Variants in CEP192 observed in about 807,000 individuals in gnomAD.
The protein encoded by CEP192 is centrosomal protein of 192 kDa.
In CEP192, 151 loss-of-function variants were observed where a neutral mutation model predicts 271.8. The ratio of observed to expected loss-of-function variants is 0.56; its 90% CI spans 0.49 to 0.64. The LOEUF is 0.64. CEP192 is among the 30% of genes least tolerant of loss of function. The probability of loss-of-function intolerance (pLI) is 0.00; values close to 1 mark genes in which losing one functional copy is unlikely to be tolerated. For synonymous variants in CEP192, 995 were observed against 1,076.5 expected (o/e 0.92, Z 1.48); for missense variants, 2,910 against 3,020.5 (o/e 0.96, Z 0.86).
intron 44 of CEP192, among the ~76,000 whole-genome samples, chr18:13,122,290 C>T (rs1349685075): frequency 1.3e-5 from 2 of 152,220 alleles, no homozygotes; most frequent in Non-Finnish European, 2.9e-5. Context: ...GGCAAGGTGG[C>T]GCATGTCTGT....
intron 17 of CEP192, among the ~76,000 whole-genome samples, chr18:13,050,521 T>G (rs1168680808): frequency 6.6e-6 from 1 of 152,200 alleles, no homozygotes; most frequent in Non-Finnish European, 1.5e-5. Flanking sequence ...ATGCCTCAGT[T>G]TGAAACACTT....
chr18:13,112,575 G>A (rs907262915), intron 40 of CEP192, among the ~76,000 whole-genome samples: 5 of 152,196 alleles, frequency 3.3e-5, no homozygotes, highest in African/African-American at 1.2e-4. Context: ...AAGGGGTATA[G>A]TTAGGATTTT....
chr18:13,016,833 A>G (rs368709656), intron 6 of CEP192, among the ~76,000 whole-genome samples: 58 of 152,000 alleles, frequency 3.8e-4, no homozygotes, highest in African/African-American at 1.3e-3. Context: ...CTCCTGTGAT[A>G]GGCTCATCTA....
At chr18:13,081,867 G>T (rs891405556) in intron 30 of CEP192, among the ~76,000 whole-genome samples, 2 of 152,188 alleles carry the variant, frequency 1.3e-5, no homozygotes, top group African/African-American at 2.4e-5. Context: ...TATTTACCCA[G>T]TAGTCATTCA....
At position 13,109,265 on chromosome 18, in the gene CEP192, C is replaced by T. The variant is rs192546885; in HGVS notation, c.7047+4186C>T. Among the ~76,000 whole-genome samples, 13 of 152,146 alleles carry T rather than the reference C, an allele frequency of 8.5e-5. No homozygotes were observed. The East Asian group carries it at 9.7e-4, about 11-fold the overall frequency. The stretch of plus-strand genomic sequence containing the variant: ...GTAGCAACATGGATACAGCTGAAGG[C>T]GATTATCCTAAATGAATTAACATGG... On this transcript the variant is annotated intron_variant, in intron 40 of 44. Coordinates refer to ENST00000506447, the MANE Select transcript of CEP192 (RefSeq NM_032142.4).
At chr18:13,101,173 A>G (rs1353800275) in intron 38 of CEP192, among the ~76,000 whole-genome samples, 1 of 152,210 alleles carries the variant, frequency 6.6e-6, no homozygotes, top group Non-Finnish European at 1.5e-5. Context: ...AGCCGCAATC[A>G]CAAGGGTGAA....
chr18:13,017,347 G>A lies in CEP192; in HGVS notation c.789+11G>A. On this transcript the variant is annotated intron_variant, in intron 7 of 44. Transcript: ENST00000506447. ...AATGGTCTTAGACAGGTGTGTTCCA[G>A]TCTTTATGATTTTTCAGAAATTTGA... The A allele has an allele frequency of 6.7e-7, 1 of 1,503,666 alleles. No homozygotes were observed. The allele number at this position is 1,503,666 out of a possible 1,614,324, so 93.1% of individuals were successfully genotyped here.
In CEP192 at chr18:13,029,769, T is replaced by C. The variant is rs1405389275; in HGVS notation, c.1157T>C (p.Leu386Pro). 6.4e-7 allele frequency: 1 copy of C among 1,551,544 alleles called. No individual in the cohort carries two copies. Among genetic ancestry groups the C allele is most frequent in the African/African-American group, 1.4e-5 (1 of 73,060 alleles). Residue 386 changes from leucine to proline, a missense_variant, in exon 10 of 45, where the codon CTG (leucine) becomes CCG (proline). Physicochemically the swap from Leu to Pro is moderately conservative, Grantham distance 98. Coordinates refer to ENST00000506447, the MANE Select transcript of CEP192 (RefSeq NM_032142.4). ...AATGCCAATAGAGGTGGTTTTGATC[T>C]GACTGACCCTGTAAAACAGGGGGCA... ...DANANRGGFD[L>P]TDPVKQGAEC...
intron 15 of CEP192, among the ~76,000 whole-genome samples, chr18:13,044,202 A>C (rs757037450): frequency 2.6e-5 from 4 of 152,162 alleles, no homozygotes; most frequent in Non-Finnish European, 5.9e-5. Flanking sequence ...AACTCTAATT[A>C]TCTATCAACT....
chr18:13,012,279 TTAA>T (rs1422895816), intron 4 of CEP192, among the ~76,000 whole-genome samples: 2 of 152,170 alleles, frequency 1.3e-5, no homozygotes, highest in Non-Finnish European at 2.9e-5. Flanking sequence ...AAAGAGTGAA[TTAA>T]TGATATATTA....
At chr18:13,096,415 C>A in intron 36 of CEP192, 108 bp downstream of exon 36, 2 of 1,414,366 alleles carry the variant, frequency 1.4e-6, no homozygotes, top group South Asian at 1.4e-5. Flanking sequence ...AATTTTGCAC[C>A]GTGCTGACTC....
At chr18:13,119,783 A>G (rs912492107) in intron 44 of CEP192, among the ~76,000 whole-genome samples, 11 of 152,210 alleles carry the variant, frequency 7.2e-5, no homozygotes, top group Non-Finnish European at 1.6e-4. Context: ...AAAAGCTTCT[A>G]AACAAAGTTT....
intron 17 of CEP192, among the ~76,000 whole-genome samples, chr18:13,050,214 G>A (rs2036705432): frequency 6.6e-6 from 1 of 152,114 alleles, no homozygotes. Context: ...ATATTGGGAT[G>A]AATAACTTTG....
intron 11 of CEP192, among the ~76,000 whole-genome samples, chr18:13,033,336 T>G (rs2035739429): frequency 1.3e-5 from 2 of 152,118 alleles, no homozygotes; most frequent in Non-Finnish European, 2.9e-5. Flanking sequence ...AAATGTTCAT[T>G]TTTAATCATG....
At chr18:13,080,373 C>G (rs1277595600) in intron 30 of CEP192, among the ~76,000 whole-genome samples, 1 of 152,088 alleles carries the variant, frequency 6.6e-6, no homozygotes, top group Non-Finnish European at 1.5e-5. Context: ...AGTTGGATTC[C>G]TAGATATTTC....
rs181313442 is a variant in CEP192, at chr18:13,116,436, C to T, written c.7349C>T (p.Pro2450Leu). ...YAPEDVYRFRPTSVGESRTLK... is the reference protein window; with the variant it reads ...YAPEDVYRFRLTSVGESRTLK... The stretch of plus-strand genomic sequence containing the variant: ...CCAGAGGATGTGTACAGGTTCCGGC[C>T]GACTAGTGTGGGGGAATCACGGACA... Residue 2450 changes from proline (P) to leucine (L), a missense_variant, in exon 43 of 45, where the codon CCG (proline) becomes CTG (leucine). Coordinates refer to ENST00000506447, the MANE Select transcript of CEP192 (RefSeq NM_032142.4). The T allele has an allele frequency of 5.6e-6, 9 of 1,612,144 alleles. No homozygotes were observed. The highest frequency in any genetic ancestry group is 1.3e-5 in the African/African-American group (1 of 74,836).
intron 15 of CEP192, among the ~76,000 whole-genome samples, chr18:13,047,252 T>C (rs1444876765): frequency 3.3e-5 from 5 of 152,224 alleles, no homozygotes; most frequent in Non-Finnish European, 5.9e-5. Flanking sequence ...CTCATCCTTA[T>C]GAGAACCAGT....
At position 13,114,202 on chromosome 18, in the gene CEP192, G is replaced by A; in HGVS notation, c.7240G>A (p.Val2414Ile). The A allele has an allele frequency of 3.7e-6, 6 of 1,613,986 alleles. No homozygotes were observed. Among genetic ancestry groups the A allele is most frequent in the Non-Finnish European group, 5.1e-6 (6 of 1,179,996 alleles). The stretch of plus-strand genomic sequence containing the variant: ...TTCCCTCATTAAAATAGATCATTTA[G>A]TTAAGCCCCGAAGACAAGCTGTGTC... The part of the protein sequence containing the change: ...TDSLIKIDHL[V>I]KPRRQAVSEA... Residue 2414 changes from valine (V) to isoleucine (I), a missense_variant, in exon 42 of 45, where the codon GTT (valine) becomes ATT (isoleucine). Transcript: ENST00000506447.
chr18:13,081,080 G>A (rs1028557082), intron 30 of CEP192, among the ~76,000 whole-genome samples: 1 of 152,198 alleles, frequency 6.6e-6, no homozygotes, highest in Non-Finnish European at 1.5e-5. Flanking sequence ...GTTCATCAGA[G>A]ATATTGGATT....
Sources: gnomAD v4.1 joint callset for allele counts (sites outside exome capture counted in the v4.1 genomes callset) on GRCh38, gnomAD v4.1.1 for gene constraint, MANE v1.5 for transcripts, NCBI Gene and HGNC (gene_info 2026-07-23, HGNC 2026-07-21) for gene names.